PIAS4: variants seen among roughly 807,000 people sequenced by gnomAD.
PIAS4 encodes the protein E3 SUMO-protein ligase PIAS4.
Under a neutral mutation model 58.0 loss-of-function variants are expected in PIAS4, and 7 were observed. The ratio of observed to expected loss-of-function variants is 0.12; its 90% CI spans 0.07 to 0.23. The LOEUF is 0.23. PIAS4 is among the 10% of genes least tolerant of loss of function. PIAS4 has a pLI of 1.00. For synonymous variants in PIAS4, 364 were observed against 312.4 expected (o/e 1.17, Z -1.74); for missense variants, 550 against 709.5 (o/e 0.78, Z 2.55).
chr19:4,029,138 T>C (rs2040198412), intron 7 of PIAS4, 102 bp downstream of exon 7: 1 of 802,996 alleles, frequency 1.2e-6, no homozygotes, highest in African/African-American at 1.7e-5. Context: ...AGGAGATCGA[T>C]CAGGGGCCGC....
chr19:4,012,209 GCCCTGTGT>G (rs1480619026), intron 1 of PIAS4, among the ~76,000 whole-genome samples: 2 of 151,926 alleles, frequency 1.3e-5, no homozygotes, highest in East Asian at 3.9e-4. Flanking sequence ...CACAGGCCCA[GCCCTGTGT>G]TGACATCCAG....
rs879901172 is a variant in PIAS4, at chr19:4,028,376, G to A, written c.582-134G>A. 2.0e-5 allele frequency: 16 copies of A among 797,978 alleles called. No homozygotes were observed. The African/African-American group carries it at 2.6e-4, about 13-fold the overall frequency. 49.4% of individuals were successfully genotyped at this position (797,978 alleles called of 1,614,324 possible). A position where few individuals can be genotyped will look rare whatever the true frequency, so the allele number is the denominator to read the frequency against. On this transcript the variant is annotated intron_variant, in intron 4 of 10. Transcript: ENST00000262971. ...ACCCCCACTCAGGCCACACCCGGGG[G>A]CCCTGATACCCCCCGTGTCACATTC...
intron 3 of PIAS4, 71 bp from the exon 4 acceptor site, chr19:4,028,075 G>C (rs563785400): frequency 1.4e-6 from 2 of 1,451,658 alleles, no homozygotes; most frequent in East Asian, 4.5e-5. Flanking sequence ...CCACCTTGTC[G>C]GGTGGGCTGG....
At chr19:4,029,254 C>T (rs2040199284) in intron 7 of PIAS4, among the ~76,000 whole-genome samples, 1 of 152,162 alleles carries the variant, frequency 6.6e-6, no homozygotes, top group Non-Finnish European at 1.5e-5. Flanking sequence ...GTGCGGAGGC[C>T]TGTGGGGTCA....
In PIAS4 at chr19:4,037,704, C is replaced by T. The variant is rs1599237023; in HGVS notation, c.1362C>T (p.Gly454=). The change falls in exon 11 of 11, where the codon GGC becomes GGT. Residue 454 remains glycine (G), a synonymous_variant. Coordinates refer to ENST00000262971, the MANE Select transcript of PIAS4 (RefSeq NM_015897.4). This position sits in a 1 kb window ranked among gnomAD's most constrained non-coding sequence, Gnocchi z 5.8. ...LGSTGGGGPV[G]SMENGKPGAD... ...GCACGGGTGGCGGCGGCCCGGTGGGCAGCATGGAGAATGGGAAGCCGGGCG... is the reference window on the plus strand; with the variant it reads ...GCACGGGTGGCGGCGGCCCGGTGGGTAGCATGGAGAATGGGAAGCCGGGCG... 1 of 1,611,874 alleles carries T rather than the reference C, an allele frequency of 6.2e-7. No homozygotes were observed. The highest frequency in any genetic ancestry group is 8.5e-7 in the Non-Finnish European group (1 of 1,179,576).
intron 4 of PIAS4, 153 bp downstream of exon 4, chr19:4,028,340 A>C: frequency 1.2e-6 from 1 of 803,438 alleles, no homozygotes; most frequent in Non-Finnish European, 2.0e-6. Context: ...CTGGGGATAC[A>C]TCACCATCCG....
Position 4,028,010 on chromosome 19 carries a change from T to C in PIAS4, c.540-136T>C. 3.5e-6 allele frequency: 3 copies of C among 856,246 alleles called. No homozygotes were observed. The East Asian group carries it at 7.2e-5, about 21-fold the overall frequency. The allele number at this position is 856,246 out of a possible 1,614,324, so 53.0% of individuals were successfully genotyped here. A position where few individuals can be genotyped will look rare whatever the true frequency, so the allele number is the denominator to read the frequency against. On this transcript the variant is annotated intron_variant, in intron 3 of 10. Coordinates refer to ENST00000262971, the MANE Select transcript of PIAS4 (RefSeq NM_015897.4). ...CTCTCACCCAGCCCGTACAAAAGAGTCCTGGGCCTCAGTTTCCCAGCTCTG... is the reference window on the plus strand; with the variant it reads ...CTCTCACCCAGCCCGTACAAAAGAGCCCTGGGCCTCAGTTTCCCAGCTCTG...
chr19:4,031,407 G>A (rs907626069), intron 7 of PIAS4, among the ~76,000 whole-genome samples: 5 of 152,224 alleles, frequency 3.3e-5, no homozygotes, highest in African/African-American at 1.2e-4. Context: ...CCAGGCTCGG[G>A]GATGGAGGGC....
In PIAS4 at chr19:4,038,138, A is replaced by G. The variant is rs1367584082; in HGVS notation, c.*263A>G. The G allele has an allele frequency of 2.5e-6, 1 of 406,754 alleles. No individual in the cohort carries two copies. Among genetic ancestry groups the G allele is most frequent in the African/African-American group, 2.2e-5 (1 of 46,304 alleles). 25.2% of individuals were successfully genotyped at this position (406,754 alleles called of 1,614,324 possible). ...CTCTTAAAAACAAGGCCGGCCACCCACACAGCCGCCTCCCCGGCTGGAGTC... is the reference window on the plus strand; with the variant it reads ...CTCTTAAAAACAAGGCCGGCCACCCGCACAGCCGCCTCCCCGGCTGGAGTC... On this transcript the variant is annotated 3_prime_UTR_variant, in exon 11 of 11. Coordinates refer to ENST00000262971, the MANE Select transcript of PIAS4 (RefSeq NM_015897.4). The surrounding 1 kb of genome is among the most constrained non-coding windows in gnomAD (Gnocchi z 4.1).
At chr19:4,007,918 C>T (rs1291147849) in intron 1 of PIAS4, 131 bp downstream of exon 1, 8 of 602,220 alleles carry the variant, frequency 1.3e-5, no homozygotes, top group Non-Finnish European at 1.6e-5. Context: ...GTCCCGGCCC[C>T]CAGACCCCGA....
intron 2 of PIAS4, among the ~76,000 whole-genome samples, chr19:4,019,822 G>A (rs1175947436): frequency 7.2e-5 from 11 of 152,162 alleles, no homozygotes. Flanking sequence ...ACCCGGCACC[G>A]GTCCCCGAAG....
At position 4,037,800 on chromosome 19, in the gene PIAS4, G is replaced by GGAAGACGAGGAC. The variant is rs753182828; in HGVS notation, c.1464_1475dup (p.Asp488_Glu491dup). 2.5e-6 allele frequency: 4 copies of GGAAGACGAGGAC among 1,590,368 alleles called. No individual in the cohort carries two copies. Among genetic ancestry groups the GGAAGACGAGGAC allele is most frequent in the Non-Finnish European group, 3.4e-6 (4 of 1,168,828 alleles). On this transcript the variant is annotated inframe_insertion, in exon 11 of 11. Coordinates refer to ENST00000262971, the MANE Select transcript of PIAS4 (RefSeq NM_015897.4). The surrounding 1 kb of genome is among the most constrained non-coding windows in gnomAD (Gnocchi z 5.8). Reference sequence around the variant, plus strand: ...ATGAGGAGGAGGAGGAAGAGGAGGAGGAAGACGAGGACGAAGAGGGGCCCC... The same window carrying GGAAGACGAGGAC: ...ATGAGGAGGAGGAGGAAGAGGAGGAGGAAGACGAGGACGAAGACGAGGACGAAGAGGGGCCCC...
intron 2 of PIAS4, among the ~76,000 whole-genome samples, chr19:4,016,822 C>T (rs926590594): frequency 1.3e-5 from 2 of 152,106 alleles, no homozygotes; most frequent in Non-Finnish European, 2.9e-5. Flanking sequence ...GAACATGGTG[C>T]GCCCAGGAGG....
intron 2 of PIAS4, among the ~76,000 whole-genome samples, chr19:4,021,399 G>A (rs959437481): frequency 2.0e-5 from 3 of 151,964 alleles, no homozygotes; most frequent in African/African-American, 7.3e-5. Flanking sequence ...CACCTGCCTC[G>A]CCTCCACAGT....
At position 4,037,919 on chromosome 19, in the gene PIAS4, G is replaced by C; in HGVS notation, c.*44G>C. 1 of 1,550,712 alleles carries C rather than the reference G, an allele frequency of 6.4e-7. No individual in the cohort carries two copies. ...CTTTCCTGGTGCTCACCACGCAGAGGGGCACGGGCCAGCCTCGGGCGCAGA... is the reference window on the plus strand; with the variant it reads ...CTTTCCTGGTGCTCACCACGCAGAGCGGCACGGGCCAGCCTCGGGCGCAGA... On this transcript the variant is annotated 3_prime_UTR_variant, in exon 11 of 11. Coordinates refer to ENST00000262971, the MANE Select transcript of PIAS4 (RefSeq NM_015897.4). This position sits in a 1 kb window ranked among gnomAD's most constrained non-coding sequence, Gnocchi z 5.8.
At chr19:4,034,870 C>G (rs1181880422) in intron 9 of PIAS4, among the ~76,000 whole-genome samples, 1 of 152,208 alleles carries the variant, frequency 6.6e-6, no homozygotes, top group East Asian at 1.9e-4. Context: ...TATCACCTCT[C>G]TGTCCCTGGC....
intron 3 of PIAS4, among the ~76,000 whole-genome samples, chr19:4,027,634 C>T (rs2040180539): frequency 6.9e-6 from 1 of 144,840 alleles, no homozygotes; most frequent in Non-Finnish European, 1.5e-5. Context: ...GCAATCATAG[C>T]TTGCAGCCTG....
At chr19:4,027,393 C>T (rs1278930481) in intron 3 of PIAS4, among the ~76,000 whole-genome samples, 2 of 152,136 alleles carry the variant, frequency 1.3e-5, no homozygotes, top group African/African-American at 2.4e-5. Context: ...GGTCGCGTCC[C>T]GTGCGTGTTG....
chr19:4,008,078 G>A (rs1007788877), intron 1 of PIAS4, among the ~76,000 whole-genome samples: 2 of 151,878 alleles, frequency 1.3e-5, no homozygotes, highest in Non-Finnish European at 2.9e-5. Flanking sequence ...GTCCCTGAGC[G>A]CCAGGCCAGG....
Sources: allele counts gnomAD v4.1 joint callset (sites outside exome capture counted in the v4.1 genomes callset), GRCh38; gene constraint gnomAD v4.1.1; non-coding constraint Gnocchi (gnomAD v3.1); transcripts MANE v1.5; gene names NCBI Gene and HGNC (gene_info 2026-07-23, HGNC 2026-07-21).